The following KMT2C variants were observed in gnomAD, a reference collection of about 807,000 sequenced individuals.
KMT2C encodes histone-lysine N-methyltransferase 2C.
KMT2C carries 88 observed loss-of-function variants against 507.9 expected under a neutral mutation model. The ratio of observed to expected loss-of-function variants is 0.17; its 90% confidence interval spans 0.15 to 0.21. The LOEUF is 0.21. Ranked by LOEUF, KMT2C falls within the 10% of genes least tolerant of loss-of-function variation. The probability of loss-of-function intolerance (pLI) is 1.00; values close to 1 mark genes in which losing one functional copy is unlikely to be tolerated. For missense variants in KMT2C, 4,954 were observed against 5,957.8 expected (o/e 0.83, Z 5.55); for synonymous variants, 2,049 against 2,080.8 (o/e 0.98, Z 0.42).
chr7:152,382,729 A>G (rs2097384746), intron 1 of KMT2C, among the ~76,000 whole-genome samples: 1 of 152,312 alleles, frequency 6.6e-6, no homozygotes, highest in African/African-American at 2.4e-5. Flanking sequence ...AAATTGGTAT[A>G]ATTATCCTAA....
chr7:152,194,532 G>A lies in KMT2C; in HGVS notation c.4415C>T (p.Pro1472Leu), dbSNP rs756763046. The change falls in exon 29 of 59, where the codon CCT (proline) becomes CTT (leucine). Residue 1472 changes from proline to leucine, a missense_variant. Pro to Leu is a moderately conservative substitution (Grantham distance 98). Around this residue, in one of 29 missense-constraint regions of KMT2C, gnomAD observed 140 missense variants for 118.4 expected, o/e 1.18. Transcript: ENST00000262189. ...GPVTDDPSSL[P>L]QPNVNQSSRP... ...TGAACTCTGATTGACATTTGGCTGA[G>A]GCAAAGAGGAAGGATCATCAGTGAC... The A allele has an allele frequency of 3.9e-5, 63 of 1,612,784 alleles. No homozygotes were observed. Among genetic ancestry groups the A allele is most frequent in the Non-Finnish European group, 5.1e-5 (60 of 1,179,142 alleles).
chr7:152,318,733 T>A (rs2096745191), intron 3 of KMT2C, among the ~76,000 whole-genome samples: 1 of 150,960 alleles, frequency 6.6e-6, no homozygotes, highest in Middle Eastern at 3.4e-3. Context: ...GGTAAAAAGA[T>A]ACCAGGCAAA....
intron 18 of KMT2C, among the ~76,000 whole-genome samples, chr7:152,229,114 A>T (rs1398615276): frequency 6.6e-6 from 1 of 152,190 alleles, no homozygotes; most frequent in African/African-American, 2.4e-5. Context: ...AAGGTATAAA[A>T]ATCACTCATG....
chr7:152,249,906 T>C lies in KMT2C; in HGVS notation c.1783A>G (p.Ser595Gly), dbSNP rs2095537705. The C allele has an allele frequency of 6.2e-7, 1 of 1,608,040 alleles. No homozygotes were observed. Among genetic ancestry groups the C allele is most frequent in the South Asian group, 1.1e-5 (1 of 90,938 alleles). ...EEQQKSHPSESLDTDSLLIAV... is the reference protein window; with the variant it reads ...EEQQKSHPSEGLDTDSLLIAV... Reference sequence around the variant, plus strand: ...ATAAGAAGACTATCTGTGTCAAGACTTTCTGAGGGATGACTCTTCTGTTGC... The same window carrying C: ...ATAAGAAGACTATCTGTGTCAAGACCTTCTGAGGGATGACTCTTCTGTTGC... Residue 595 changes from serine to glycine, a missense_variant, in exon 13 of 59, where the codon AGT becomes GGT. Ser to Gly is a moderately conservative substitution (Grantham distance 56). This residue lies in a region of KMT2C where 376 missense variants were observed against 352.4 expected (regional missense o/e 1.07). Transcript: ENST00000262189.
chr7:152,330,708 A>G lies in KMT2C; in HGVS notation c.282T>C (p.Ala94=). ...GTTTGCTGTTATCCACTTCTGCTTC[A>G]GCATCCTCTTCTGCAGATTGTTCTT... The part of the protein sequence containing the change: ...EIKEQSAEED[A]EAEVDNSKQL... Residue 94 remains alanine, a synonymous_variant, in exon 3 of 59, where the codon GCT becomes GCC. Transcript: ENST00000262189. 1 of 1,614,074 alleles carries G rather than the reference A, an allele frequency of 6.2e-7. No individual in the cohort carries two copies. The highest frequency in any genetic ancestry group is 8.5e-7 in the Non-Finnish European group (1 of 1,179,934).
chr7:152,250,508 T>C (rs539362782), intron 12 of KMT2C, among the ~76,000 whole-genome samples: 20 of 152,106 alleles, frequency 1.3e-4, no homozygotes, highest in Non-Finnish European at 2.6e-4. Context: ...GCTGAGATGA[T>C]CCAATACAGT....
chr7:152,219,549 C>T (rs1410332322), intron 23 of KMT2C, among the ~76,000 whole-genome samples: 2 of 151,124 alleles, frequency 1.3e-5, no homozygotes, highest in South Asian at 2.1e-4. Context: ...AGTTGGAAAC[C>T]AGCCTGGGCA....
chr7:152,149,338 A>G (rs2091417661), intron 51 of KMT2C, among the ~76,000 whole-genome samples, 186 bp from the exon 52 acceptor site: 1 of 152,196 alleles, frequency 6.6e-6, no homozygotes, highest in African/African-American at 2.4e-5. Flanking sequence ...TAAGGTGCAC[A>G]GGGATAGAGA....
intron 8 of KMT2C, among the ~76,000 whole-genome samples, chr7:152,264,454 T>G (rs187964209): frequency 6.6e-6 from 1 of 152,284 alleles, no homozygotes; most frequent in East Asian, 1.9e-4. Flanking sequence ...CTTACAAATT[T>G]GTAAATGCCA....
chr7:152,428,169 C>A (rs537664470), intron 1 of KMT2C, among the ~76,000 whole-genome samples: 26 of 152,224 alleles, frequency 1.7e-4, no homozygotes, highest in Non-Finnish European at 3.1e-4. Context: ...TGAAAACTTT[C>A]ATTTAAAAAA....
chr7:152,364,926 A>AACAGACAG (rs765820811), intron 1 of KMT2C, among the ~76,000 whole-genome samples: 20 of 144,480 alleles, frequency 1.4e-4, no homozygotes, highest in South Asian at 2.3e-4. Flanking sequence ...CAAAATCTGA[A>AACAGACAG]ACAGACAGAC....
At chr7:152,149,281 A>C in intron 51 of KMT2C, 129 bp from the exon 52 acceptor site, 1 of 785,862 alleles carries the variant, frequency 1.3e-6, no homozygotes, top group South Asian at 3.7e-5. Flanking sequence ...AGGGAGAGTC[A>C]GCAGTAAGTG....
At chr7:152,175,661 G>C (rs941965723) in intron 38 of KMT2C, among the ~76,000 whole-genome samples, 1 of 152,122 alleles carries the variant, frequency 6.6e-6, no homozygotes, top group Non-Finnish European at 1.5e-5. Flanking sequence ...GAACTCCTGA[G>C]CTGAGGCAAT....
intron 1 of KMT2C, among the ~76,000 whole-genome samples, chr7:152,418,144 T>C (rs1337143808): frequency 6.6e-6 from 1 of 150,546 alleles, no homozygotes; most frequent in African/African-American, 2.5e-5. Context: ...TTCACCATGT[T>C]GGCCAGGCTG....
At position 152,182,229 on chromosome 7, in the gene KMT2C, G is replaced by C. The variant is rs149026515; in HGVS notation, c.5631C>G (p.Pro1877=). The C allele has an allele frequency of 2.5e-4, 404 of 1,614,032 alleles. 2 individuals carry two copies. In the African/African-American group the frequency reaches 5.0e-3, roughly 20 times the overall value. The change falls in exon 36 of 59, where the codon CCC becomes CCG. Residue 1877 remains proline (P), a synonymous_variant. Coordinates refer to ENST00000262189, the MANE Select transcript of KMT2C (RefSeq NM_170606.3). ...SLSQAQTSQP[P]SPQVFSPGSS... Reference sequence around the variant, plus strand: ...ACCCAGGTGAAAACACTTGCGGTGAGGGTGGCTGAGAAGTCTGAGCCTGAG... The same window carrying C: ...ACCCAGGTGAAAACACTTGCGGTGACGGTGGCTGAGAAGTCTGAGCCTGAG...
chr7:152,270,048 G>A (rs113535537), intron 7 of KMT2C, among the ~76,000 whole-genome samples: 1 of 152,112 alleles, frequency 6.6e-6, no homozygotes, highest in Non-Finnish European at 1.5e-5. Context: ...CATACAGTGT[G>A]AATTTAAGAA....
chr7:152,391,712 T>C (rs2097500266), intron 1 of KMT2C, among the ~76,000 whole-genome samples: 1 of 152,148 alleles, frequency 6.6e-6, no homozygotes, highest in Non-Finnish European at 1.5e-5. Context: ...AATTTTTGTA[T>C]TTTTAGTAGA....
chr7:152,373,354 A>G (rs999612975), intron 1 of KMT2C, among the ~76,000 whole-genome samples: 3 of 152,208 alleles, frequency 2.0e-5, no homozygotes, highest in African/African-American at 7.2e-5. Flanking sequence ...TAAGCACTCA[A>G]TATATGTTTT....
At chr7:152,280,390 T>TAA (rs375246225) in intron 6 of KMT2C, among the ~76,000 whole-genome samples, 6 of 105,090 alleles carry the variant, frequency 5.7e-5, no homozygotes, top group Non-Finnish European at 1.3e-4. Flanking sequence ...AAAATAAAAA[T>TAA]AAAAAAAAAA....
Sources: allele counts gnomAD v4.1 joint callset (sites outside exome capture counted in the v4.1 genomes callset), GRCh38; gene constraint gnomAD v4.1.1; regional missense constraint gnomAD v4.1.1; transcripts MANE v1.5; gene names NCBI Gene and HGNC (gene_info 2026-07-23, HGNC 2026-07-21).